MAST2: variants seen among roughly 807,000 people sequenced by gnomAD.
MAST2 encodes microtubule associated serine/threonine kinase 2.
In MAST2, 70 loss-of-function variants were observed where a neutral mutation model predicts 147.4. The ratio of observed to expected loss-of-function variants is 0.47; its 90% confidence interval spans 0.39 to 0.58. The LOEUF (loss-of-function observed/expected upper bound fraction) is 0.58, where lower values mean the gene tolerates loss of function less well. MAST2 is among the 20% of genes least tolerant of loss of function. The pLI is 0.00. For synonymous variants in MAST2, 869 were observed against 896.8 expected, an observed-to-expected ratio of 0.97 and a Z score of 0.55; for missense variants, 2,080 against 2,302.3, an observed-to-expected ratio of 0.90 and a Z score of 1.98.
At chr1:46,029,644 C>T (rs1394966592) in intron 19 of MAST2, 77 bp downstream of exon 19, 5 of 1,458,428 alleles carry the variant, frequency 3.4e-6, no homozygotes, top group Non-Finnish European at 4.7e-6. Flanking sequence ...CCTGGAGGTT[C>T]AGGCTTCGGT....
At chr1:45,917,481 C>T (rs569516180) in intron 4 of MAST2, 44 of 1,366,436 alleles carry the variant, frequency 3.2e-5, no homozygotes, top group Admixed American at 2.1e-4. Context: ...CCTGAACCCA[C>T]GAGCCCACAG....
chr1:45,893,711 G>A (rs1208831046), intron 4 of MAST2, among the ~76,000 whole-genome samples: 3 of 151,970 alleles, frequency 2.0e-5, no homozygotes, highest in African/African-American at 7.3e-5. Flanking sequence ...AAATCTCTAG[G>A]AGTTTTCTAT....
intron 1 of MAST2, among the ~76,000 whole-genome samples, chr1:45,806,388 T>C (rs1644143319): frequency 6.6e-6 from 1 of 152,182 alleles, no homozygotes; most frequent in Admixed American, 6.6e-5. Flanking sequence ...GAATGTATTG[T>C]GATGGTTACT....
At chr1:46,017,116 A>T (rs907684465) in intron 10 of MAST2, among the ~76,000 whole-genome samples, 1 of 152,234 alleles carries the variant, frequency 6.6e-6, no homozygotes, top group Non-Finnish European at 1.5e-5. Context: ...AAAACTGGCT[A>T]GCCATATGTA....
chr1:45,837,164 C>A (rs1645127544), intron 3 of MAST2, among the ~76,000 whole-genome samples: 1 of 152,188 alleles, frequency 6.6e-6, no homozygotes, highest in African/African-American at 2.4e-5. Flanking sequence ...ATATAATGCT[C>A]ACCCTCATAC....
chr1:46,027,704 CTTAAT>C, intron 16 of MAST2, 22 bp from the exon 17 acceptor site: 2 of 1,599,700 alleles, frequency 1.3e-6, no homozygotes, highest in Non-Finnish European at 1.7e-6. Context: ...GGAATAACTT[CTTAAT>C]TTTATTTCTT....
chr1:45,838,500 G>C (rs1202159092), intron 3 of MAST2, among the ~76,000 whole-genome samples: 1 of 151,990 alleles, frequency 6.6e-6, no homozygotes, highest in Non-Finnish European at 1.5e-5. Flanking sequence ...TGGGATTACA[G>C]GTGTCAGCCA....
At chr1:45,961,913 C>T (rs1197160666) in intron 5 of MAST2, among the ~76,000 whole-genome samples, 1 of 151,826 alleles carries the variant, frequency 6.6e-6, no homozygotes, top group African/African-American at 2.4e-5. Flanking sequence ...TAATGCTATC[C>T]CTCCCCCATC....
At chr1:45,937,958 T>A (rs1656544644) in intron 4 of MAST2, among the ~76,000 whole-genome samples, 1 of 152,198 alleles carries the variant, frequency 6.6e-6, no homozygotes, top group Non-Finnish European at 1.5e-5. Flanking sequence ...AGTTTACTTG[T>A]ACCCACCTGT....
chr1:46,006,135 G>A, intron 7 of MAST2, 106 bp from the exon 8 acceptor site: 1 of 1,137,288 alleles, frequency 8.8e-7, no homozygotes, highest in Non-Finnish European at 1.3e-6. Flanking sequence ...ACCTGCTTTG[G>A]GTTTATAGTG....
In MAST2 at chr1:45,916,294, A is replaced by AT. The variant is rs752487685; in HGVS notation, c.500+33906dup. ...CAGGTACTTATGTGATACTTAAGTA[A>AT]TTTTTTTACCTTGGAAATTAAATAA... On this transcript the variant is annotated intron_variant, in intron 4 of 28. Transcript: ENST00000361297. Among the ~76,000 whole-genome samples the AT allele has an allele frequency of 6.1e-4, 93 of 152,328 alleles. No individual in the cohort carries two copies. In the East Asian group the frequency reaches 0.013, roughly 21 times the overall value.
chr1:46,005,769 C>T (rs1557462858), intron 7 of MAST2, among the ~76,000 whole-genome samples: 1 of 152,196 alleles, frequency 6.6e-6, no homozygotes, highest in African/African-American at 2.4e-5. Context: ...CATTGGCCAG[C>T]TTGAGTGAGT....
At chr1:45,955,677 C>T (rs1004297704) in intron 4 of MAST2, among the ~76,000 whole-genome samples, 2 of 152,038 alleles carry the variant, frequency 1.3e-5, no homozygotes, top group East Asian at 3.9e-4. Context: ...AAGGAAATCC[C>T]AATTGTAAAG....
chr1:45,820,218 TTTAAATC>T (rs1480464171), intron 1 of MAST2, among the ~76,000 whole-genome samples: 2 of 152,168 alleles, frequency 1.3e-5, no homozygotes, highest in Admixed American at 6.5e-5. Context: ...GTATTAAAGA[TTTAAATC>T]TTAAACTGCA....
intron 21 of MAST2, 69 bp from the exon 22 acceptor site, chr1:46,030,537 AG>A: frequency 6.6e-7 from 1 of 1,518,530 alleles, no homozygotes; most frequent in African/African-American, 1.4e-5. Context: ...TCCGATGCCA[AG>A]GATGCTTTAT....
intron 4 of MAST2, among the ~76,000 whole-genome samples, chr1:45,931,388 T>G (rs996059274): frequency 6.8e-6 from 1 of 148,048 alleles, no homozygotes; most frequent in Non-Finnish European, 1.5e-5. Context: ...TTTTTTTTTT[T>G]TTTTTTTTTT....
chr1:45,960,798 A>G (rs920016956), intron 5 of MAST2, among the ~76,000 whole-genome samples: 12 of 152,250 alleles, frequency 7.9e-5, no homozygotes, highest in Non-Finnish European at 1.6e-4. Flanking sequence ...GGGCATAGAA[A>G]GCCATGGTCA....
intron 5 of MAST2, among the ~76,000 whole-genome samples, chr1:45,983,694 T>C (rs1230762448): frequency 6.6e-6 from 1 of 152,126 alleles, no homozygotes; most frequent in Non-Finnish European, 1.5e-5. Flanking sequence ...AGTCTCACTA[T>C]TTTGCTTAGG....
At chr1:46,024,902 G>A (rs772715196) in intron 15 of MAST2, among the ~76,000 whole-genome samples, 5 of 152,198 alleles carry the variant, frequency 3.3e-5, no homozygotes, top group Non-Finnish European at 7.3e-5. Flanking sequence ...AAAAGAAAGA[G>A]GTTTAGTGGA....
Sources: allele counts gnomAD v4.1 joint callset (sites outside exome capture counted in the v4.1 genomes callset), GRCh38; gene constraint gnomAD v4.1.1; transcripts MANE v1.5; gene names NCBI Gene and HGNC (gene_info 2026-07-23, HGNC 2026-07-21).